Variants in PITPNC1 observed in about 807,000 individuals in gnomAD.
PITPNC1 encodes cytoplasmic phosphatidylinositol transfer protein 1.
In PITPNC1, 18 loss-of-function variants were observed where a neutral mutation model predicts 44.7. That is an observed-to-expected ratio of 0.40 (90% CI 0.28 to 0.60). The LOEUF (loss-of-function observed/expected upper bound fraction) is 0.60. Ranked by LOEUF, PITPNC1 falls within the 20% of genes least tolerant of loss-of-function variation. The probability of loss-of-function intolerance (pLI) is 0.39; values close to 1 mark genes in which losing one functional copy is unlikely to be tolerated. For missense variants in PITPNC1, 290 were observed against 418.4 expected (o/e 0.69, Z 2.68); for synonymous variants, 141 against 149.6 (o/e 0.94, Z 0.42).
chr17:67,424,938 A>G (rs1335372362), intron 1 of PITPNC1, among the ~76,000 whole-genome samples: 1 of 151,914 alleles, frequency 6.6e-6, no homozygotes, highest in Non-Finnish European at 1.5e-5. Context: ...CATCATTGTG[A>G]TTTGTTTCTG....
chr17:67,463,109 T>TAC (rs1446566764), intron 1 of PITPNC1, among the ~76,000 whole-genome samples: 1 of 152,266 alleles, frequency 6.6e-6, no homozygotes, highest in African/African-American at 2.4e-5. Flanking sequence ...ATAGACTGTG[T>TAC]ACATATATAA....
At chr17:67,691,386 C>T (rs1281896211) in intron 8 of PITPNC1, among the ~76,000 whole-genome samples, 1 of 152,192 alleles carries the variant, frequency 6.6e-6, no homozygotes, top group Non-Finnish European at 1.5e-5. Flanking sequence ...CATTATCCAA[C>T]AATGATTATT....
In PITPNC1 at chr17:67,513,772, AT is replaced by A. The variant is rs2040222815; in HGVS notation, c.49-19028del. ...TTCTCTTTGACCTAATGTCACCCACATTCATTTAACTGTGAAGCTCTTTTCC... is the reference window on the plus strand; with the variant it reads ...TTCTCTTTGACCTAATGTCACCCACATCATTTAACTGTGAAGCTCTTTTCC... On this transcript the variant is annotated intron_variant, in intron 1 of 8. Coordinates refer to ENST00000581322, the MANE Select transcript of PITPNC1 (RefSeq NM_012417.4). Among the ~76,000 whole-genome samples the A allele has an allele frequency of 2.6e-5, 4 of 152,120 alleles. 1 individual carries two copies. Among genetic ancestry groups the A allele is most frequent in the Admixed American group, 2.6e-4 (4 of 15,284 alleles).
At chr17:67,404,056 T>TA (rs996398591) in intron 1 of PITPNC1, among the ~76,000 whole-genome samples, 15 of 152,168 alleles carry the variant, frequency 9.9e-5, no homozygotes, top group African/African-American at 3.4e-4. Flanking sequence ...GCTTTTTGGC[T>TA]ACAAATTCCA....
chr17:67,457,378 T>A (rs1400999719), intron 1 of PITPNC1: 1 of 146,510 alleles, frequency 6.8e-6, no homozygotes, highest in African/African-American at 2.8e-5. Flanking sequence ...TGTTTTTTGT[T>A]TTTTGTTTTT....
chr17:67,402,646 T>A (rs899727515), intron 1 of PITPNC1, among the ~76,000 whole-genome samples: 1 of 152,128 alleles, frequency 6.6e-6, no homozygotes, highest in Non-Finnish European at 1.5e-5. Context: ...TAGTTTCAAG[T>A]TTGACCACAT....
chr17:67,690,422 T>C (rs2042899854), intron 8 of PITPNC1, among the ~76,000 whole-genome samples: 1 of 136,060 alleles, frequency 7.3e-6, no homozygotes, highest in Admixed American at 8.7e-5. Flanking sequence ...CACTCCAGCC[T>C]GGGAGACAAG....
In PITPNC1 at chr17:67,695,926, G is replaced by A. The variant is rs372717346; in HGVS notation, c.*3038G>A. On this transcript the variant is annotated 3_prime_UTR_variant, in exon 9 of 9. Transcript: ENST00000581322. ...AGCTTTGTTAGAAATCACCTCTGAA[G>A]ATCATTTCATTTTCTCACTTTGGGT... 2 of 152,102 alleles carry A rather than the reference G, an allele frequency of 1.3e-5. No individual in the cohort carries two copies. Among genetic ancestry groups the A allele is most frequent in the South Asian group, 2.1e-4 (1 of 4,832 alleles). 9.4% of individuals were successfully genotyped at this position (152,102 alleles called of 1,614,324 possible).
At chr17:67,584,142 G>A (rs2041278772) in intron 5 of PITPNC1, among the ~76,000 whole-genome samples, 1 of 151,958 alleles carries the variant, frequency 6.6e-6, no homozygotes, top group African/African-American at 2.4e-5. Flanking sequence ...CCAACACTTA[G>A]GAAAACAAAT....
chr17:67,470,768 A>G (rs1568003158), intron 1 of PITPNC1, among the ~76,000 whole-genome samples: 1 of 151,648 alleles, frequency 6.6e-6, no homozygotes, highest in Non-Finnish European at 1.5e-5. Context: ...AAAGGCGGGA[A>G]AGGTGGGGAA....
At chr17:67,614,841 C>T (rs938827985) in intron 5 of PITPNC1, among the ~76,000 whole-genome samples, 4 of 151,588 alleles carry the variant, frequency 2.6e-5, no homozygotes, top group Non-Finnish European at 4.4e-5. Context: ...AGTGGGACCC[C>T]GTCTCTACTA....
At position 67,607,207 on chromosome 17, in the gene PITPNC1, G is replaced by A. The variant is rs150884343; in HGVS notation, c.367-24936G>A. Among the ~76,000 whole-genome samples the A allele has an allele frequency of 7.2e-4, 109 of 152,354 alleles. No homozygotes were observed. The Middle Eastern group carries it at 0.01, about 14-fold the overall frequency. On this transcript the variant is annotated intron_variant, in intron 5 of 8. Coordinates refer to ENST00000581322, the MANE Select transcript of PITPNC1 (RefSeq NM_012417.4). The stretch of plus-strand genomic sequence containing the variant: ...TGGCAGAGCGTCGTTCCAGCACCCA[G>A]TTTGACTTTGTGCAAGATGGTGCTT...
intron 5 of PITPNC1, among the ~76,000 whole-genome samples, chr17:67,593,326 C>T (rs1038305043): frequency 2.0e-5 from 3 of 149,804 alleles, no homozygotes; most frequent in Non-Finnish European, 4.4e-5. Context: ...GGGACAGAAT[C>T]GGAATCAAAT....
intron 8 of PITPNC1, among the ~76,000 whole-genome samples, chr17:67,691,779 G>A (rs1033490590): frequency 1.3e-5 from 2 of 152,182 alleles, no homozygotes; most frequent in Non-Finnish European, 2.9e-5. Context: ...GCTTAGGCAG[G>A]CGGATCACTT....
At chr17:67,395,202 C>G (rs1299991622) in intron 1 of PITPNC1, among the ~76,000 whole-genome samples, 1 of 151,258 alleles carries the variant, frequency 6.6e-6, no homozygotes, top group Non-Finnish European at 1.5e-5. Flanking sequence ...GGGTCCCACT[C>G]TGTTGCCCAG....
At chr17:67,463,049 C>G (rs1299783961) in intron 1 of PITPNC1, among the ~76,000 whole-genome samples, 1 of 152,228 alleles carries the variant, frequency 6.6e-6, no homozygotes, top group Non-Finnish European at 1.5e-5. Flanking sequence ...TTGAGCTCAA[C>G]TAAAGACTTT....
At position 67,582,024 on chromosome 17, in the gene PITPNC1, ACT is replaced by A. The variant is rs545542904; in HGVS notation, c.366+3770_366+3771del. Among the ~76,000 whole-genome samples the A allele has an allele frequency of 9.9e-4, 150 of 151,962 alleles. 1 individual carries two copies. The highest frequency in any genetic ancestry group is 3.2e-3 in the African/African-American group (131 of 41,426). ...CTCCAGCCTGGGTGACAAGAGTGAA[ACT>A]CTGTCTCAAAAAAAAAGAAAAGAAA... On this transcript the variant is annotated intron_variant, in intron 5 of 8. Coordinates refer to ENST00000581322, the MANE Select transcript of PITPNC1 (RefSeq NM_012417.4).
intron 5 of PITPNC1, among the ~76,000 whole-genome samples, chr17:67,629,327 C>T (rs1257933801): frequency 6.6e-6 from 1 of 151,186 alleles, no homozygotes; most frequent in Non-Finnish European, 1.5e-5. Flanking sequence ...GGCTGGAGTG[C>T]AGTGGCACGA....
intron 1 of PITPNC1, chr17:67,471,611 T>G (rs2039534120): frequency 2.8e-6 from 1 of 362,620 alleles, no homozygotes; most frequent in South Asian, 2.3e-5. Flanking sequence ...ATTCTGTAAA[T>G]CTAAAGTTAA....
Sources: gnomAD v4.1 joint callset for allele counts (sites outside exome capture counted in the v4.1 genomes callset) on GRCh38, gnomAD v4.1.1 for gene constraint, MANE v1.5 for transcripts, NCBI Gene and HGNC (gene_info 2026-07-23, HGNC 2026-07-21) for gene names.